The following PTCSC3 variants were observed in gnomAD, a reference collection of about 807,000 sequenced individuals.
The protein encoded by PTCSC3 is papillary thyroid carcinoma susceptibility candidate 3, also known as papillary thyroid carcinoma susceptibility candidate 3 (non-protein coding).
At chr14:36,173,337 T>TG (rs891886902) in intron 1 of PTCSC3, among the ~76,000 whole-genome samples, 84 of 152,246 alleles carry the variant, frequency 5.5e-4, no homozygotes, top group African/African-American at 1.7e-3. Flanking sequence ...CACTAAGTAC[T>TG]GGTAGAGGCA....
At chr14:36,140,119 T>A (rs1356158916) in intron 3 of PTCSC3, among the ~76,000 whole-genome samples, 1 of 152,250 alleles carries the variant, frequency 6.6e-6, no homozygotes, top group African/African-American at 2.4e-5. Context: ...ATCTTTCACT[T>A]TGCAATATGC....
chr14:36,156,809 A>T (rs1219116577), intron 2 of PTCSC3, among the ~76,000 whole-genome samples: 1 of 152,130 alleles, frequency 6.6e-6, no homozygotes. Flanking sequence ...TATCCAGTCT[A>T]TCATTGATGG....
intron 1 of PTCSC3, among the ~76,000 whole-genome samples, chr14:36,165,614 G>A (rs970202652): frequency 1.3e-5 from 2 of 151,914 alleles, no homozygotes; most frequent in South Asian, 2.1e-4. Context: ...TTTTAAATTA[G>A]CGTTTTAGAT....
chr14:36,157,378 T>C (rs939736986), intron 2 of PTCSC3, among the ~76,000 whole-genome samples: 3 of 152,224 alleles, frequency 2.0e-5, no homozygotes, highest in African/African-American at 7.2e-5. Context: ...TAGTTTCTTT[T>C]GCTGTGCAGA....
At chr14:36,139,058 G>T (rs1881355834) in intron 3 of PTCSC3, among the ~76,000 whole-genome samples, 1 of 148,438 alleles carries the variant, frequency 6.7e-6, no homozygotes, top group African/African-American at 2.5e-5. Flanking sequence ...AGCTTGCACT[G>T]AGCCGAGATC....
Position 36,142,532 on chromosome 14 carries a change from C to T in PTCSC3, n.323-6176G>A, listed in dbSNP as rs946113004. ...TAAGTGTTCCCTCTGCTTCTGTTTT[C>T]TGGAAGAGATTGTGAAGAATTGTTA... On this transcript the variant is annotated intron_variant and non_coding_transcript_variant, in intron 3 of 3. Transcript: ENST00000556013. Among the ~76,000 whole-genome samples the T allele has an allele frequency of 2.0e-4, 31 of 152,222 alleles. 1 individual carries two copies. Among genetic ancestry groups the T allele is most frequent in the Non-Finnish European group, 3.5e-4 (24 of 68,020 alleles).
intron 3 of PTCSC3, among the ~76,000 whole-genome samples, chr14:36,143,414 A>G (rs1361369724): frequency 2.7e-4 from 31 of 115,190 alleles, no homozygotes; most frequent in South Asian, 6.8e-4. Flanking sequence ...GCCAGTGATG[A>G]TGAGCATTTT....
chr14:36,139,159 T>C (rs1284770209), intron 3 of PTCSC3, among the ~76,000 whole-genome samples: 1 of 142,526 alleles, frequency 7.0e-6, no homozygotes, highest in East Asian at 2.0e-4. Context: ...TATATGTCCA[T>C]ACAAAGACTG....
intron 3 of PTCSC3, among the ~76,000 whole-genome samples, chr14:36,144,581 G>A (rs1353659236): frequency 2.2e-4 from 19 of 84,842 alleles, no homozygotes; most frequent in East Asian, 6.3e-4. Context: ...GGGTTTTCTA[G>A]ATATACAATC....
chr14:36,135,861 A>G (rs567837592), downstream of PTCSC3, among the ~76,000 whole-genome samples: 8 of 109,810 alleles, frequency 7.3e-5, no homozygotes, highest in Admixed American at 2.8e-4. Flanking sequence ...CTAGAGGGAC[A>G]GATATATATA....
At chr14:36,139,119 TAAAAAA>T (rs370864635) in intron 3 of PTCSC3, among the ~76,000 whole-genome samples, 3 of 106,600 alleles carry the variant, frequency 2.8e-5, no homozygotes, top group African/African-American at 4.1e-5. Flanking sequence ...ATCTCAAAAA[TAAAAAA>T]AAAAAAAAAA....
chr14:36,173,615 T>C (rs1459904450), intron 1 of PTCSC3, among the ~76,000 whole-genome samples: 1 of 144,482 alleles, frequency 6.9e-6, no homozygotes, highest in Non-Finnish European at 1.5e-5. Flanking sequence ...TCTATAATGA[T>C]ATCTATCTTC....
At chr14:36,163,349 C>T (rs1177590) in intron 1 of PTCSC3, among the ~76,000 whole-genome samples, 100,984 of 151,896 alleles carry the variant, frequency 0.66, 33,960 homozygotes, top group Non-Finnish European at 0.71. Context: ...TATTTTTTAC[C>T]TCTTCTCACC....
chr14:36,142,082 A>G (rs76097207), intron 3 of PTCSC3, among the ~76,000 whole-genome samples: 4,515 of 152,254 alleles, frequency 0.03, 177 homozygotes, highest in Admixed American at 0.11. Flanking sequence ...GGTGAGAGGG[A>G]CATCCTGGTT....
At chr14:36,147,746 T>TA (rs1881614318) in intron 3 of PTCSC3, among the ~76,000 whole-genome samples, 2 of 152,074 alleles carry the variant, frequency 1.3e-5, no homozygotes, top group African/African-American at 4.8e-5. Flanking sequence ...CTCTGCTTTT[T>TA]AGAGTTTCCA....
At position 36,146,310 on chromosome 14, in the gene PTCSC3, G is replaced by A. The variant is rs538974171; in HGVS notation, n.322+7494C>T. On this transcript the variant is annotated intron_variant and non_coding_transcript_variant, in intron 3 of 3. Coordinates refer to ENST00000556013, the Ensembl canonical transcript of PTCSC3. ...GTGTGGGAGTCTAATTCTCTTTGTA[G>A]GTCACTCAGGACTTGCTTTATGAAT... is the stretch of plus-strand genomic sequence containing the variant. Among the ~76,000 whole-genome samples the A allele has an allele frequency of 3.3e-3, 482 of 148,224 alleles. 2 individuals are homozygous for A. The highest frequency in any genetic ancestry group is 9.1e-3 in the African/African-American group (369 of 40,348).
intron 2 of PTCSC3, among the ~76,000 whole-genome samples, chr14:36,154,609 G>A (rs568162894): frequency 9.8e-4 from 149 of 152,248 alleles, no homozygotes; most frequent in Middle Eastern, 3.4e-3. Flanking sequence ...GTCAGGAGGC[G>A]TTGGTAACAG....
chr14:36,154,344 A>G (rs1881785675), intron 2 of PTCSC3, among the ~76,000 whole-genome samples: 1 of 152,178 alleles, frequency 6.6e-6, no homozygotes. Context: ...ACTTACTTTA[A>G]AAAACAGGTT....
chr14:36,151,299 C>G (rs1881717281), intron 3 of PTCSC3, among the ~76,000 whole-genome samples: 1 of 151,970 alleles, frequency 6.6e-6, no homozygotes. Context: ...CGCCCCTGCC[C>G]TCTGGCTTTT....
Sources: gnomAD v4.1 joint callset for allele counts (sites outside exome capture counted in the v4.1 genomes callset) on GRCh38, gnomAD v4.1.1 for gene constraint, MANE v1.5 for transcripts, NCBI Gene and HGNC (gene_info 2026-07-23, HGNC 2026-07-21) for gene names.